The following RBBP8 variants were observed in gnomAD, a reference collection of about 807,000 sequenced individuals.
RBBP8 encodes RB binding protein 8, endonuclease.
In RBBP8, 88 loss-of-function variants were observed where a neutral mutation model predicts 108.3. The ratio of observed to expected loss-of-function variants is 0.81; its 90% CI spans 0.68 to 0.97. RBBP8 has a LOEUF of 0.97. Ranked by LOEUF, RBBP8 falls within the 50% of genes least tolerant of loss-of-function variation. The pLI is 0.00. For synonymous variants in RBBP8, 332 were observed against 348.2 expected (o/e 0.95, Z 0.52); for missense variants, 1,023 against 1,049.0 (o/e 0.98, Z 0.34).
rs1191674121 is a variant in RBBP8 at position 23,022,062 on chromosome 18, TAATC to T, written c.2455-63_2455-60del. On this transcript the variant is annotated intron_variant, in intron 17 of 18. Transcript: ENST00000327155. ...AATGGCTTTTTTAGCTTCTAGTTTG[TAATC>T]AATAAGCATAACACTCCATTTATTA... The T allele has an allele frequency of 6.1e-6, 8 of 1,318,520 alleles. No homozygotes were observed. The African/African-American group carries it at 1.2e-4, about 19-fold the overall frequency. The allele number at this position is 1,318,520 out of a possible 1,614,324, so 81.7% of individuals were successfully genotyped here.
chr18:22,946,517 AT>A (rs767631457), intron 3 of RBBP8, 31 bp downstream of exon 3: 1 of 1,610,540 alleles, frequency 6.2e-7, no homozygotes, highest in Non-Finnish European at 8.5e-7. Flanking sequence ...CTCATGTGTT[AT>A]TTATAGAGTA....
intron 3 of RBBP8, among the ~76,000 whole-genome samples, chr18:22,924,534 G>A (rs1381732359): frequency 6.6e-6 from 1 of 151,866 alleles, no homozygotes; most frequent in African/African-American, 2.4e-5. Flanking sequence ...AGATCTTCCC[G>A]CTTCAGCCTC....
chr18:23,012,208 C>CAAAAAAA (rs56096515), intron 16 of RBBP8, among the ~76,000 whole-genome samples: 5 of 109,620 alleles, frequency 4.6e-5, no homozygotes, highest in African/African-American at 1.5e-4. Flanking sequence ...ATGCTGTCTC[C>CAAAAAAA]AAAAAAAAAA....
intron 16 of RBBP8, among the ~76,000 whole-genome samples, chr18:23,011,246 C>G (rs1004356021): frequency 6.6e-6 from 1 of 152,170 alleles, no homozygotes; most frequent in Non-Finnish European, 1.5e-5. Flanking sequence ...CTTTATTGCA[C>G]TTTGCAGATA....
At chr18:22,956,958 G>T (rs1319920572) in intron 4 of RBBP8, among the ~76,000 whole-genome samples, 2 of 151,846 alleles carry the variant, frequency 1.3e-5, no homozygotes, top group African/African-American at 4.8e-5. Flanking sequence ...CATTTTTTTT[G>T]AAAATCTGAA....
chr18:22,921,305 A>G (rs1436921872), intron 3 of RBBP8, among the ~76,000 whole-genome samples: 1 of 152,158 alleles, frequency 6.6e-6, no homozygotes, highest in Non-Finnish European at 1.5e-5. Context: ...CCATCAAACT[A>G]CCCCAGAATA....
chr18:23,022,637 T>TAAAATAAAATAAAATA lies in RBBP8; in HGVS notation c.2596+370_2596+371insATAAAATAAAATAAAA, dbSNP rs376205689. 3.8e-5 allele frequency among the ~76,000 whole-genome samples: 3 copies of TAAAATAAAATAAAATA among 78,074 alleles called. 1 individual carries two copies. Among genetic ancestry groups the TAAAATAAAATAAAATA allele is most frequent in the East Asian group, 6.1e-4 (2 of 3,268 alleles). The allele number at this position is 78,074 out of a possible 152,430, so 51.2% of individuals were successfully genotyped here. A position where few individuals can be genotyped will look rare whatever the true frequency, so the allele number is the denominator to read the frequency against. ...TAAAATAAAATAAAATAAAATAAAA[T>TAAAATAAAATAAAATA]AAATAAAATACAATATAAAATAAAA... On this transcript the variant is annotated intron_variant, in intron 18 of 18. Transcript: ENST00000327155.
chr18:22,933,678 C>T (rs1910212795), intron 1 of RBBP8, 114 bp downstream of exon 1: 1 of 153,160 alleles, frequency 6.5e-6, no homozygotes, highest in Non-Finnish European at 1.5e-5. Flanking sequence ...GCTCCCGGCT[C>T]TGGGGTTGTG....
In RBBP8 at chr18:22,966,312, A is replaced by T. The variant is rs114519207; in HGVS notation, c.249-2494A>T. ...CCTGTCTTCAGACTGCATTCCACTT[A>T]AATCATGATGCCTAGCTGTTTGTTC... On this transcript the variant is annotated intron_variant, in intron 4 of 18. Transcript: ENST00000327155. Among the ~76,000 whole-genome samples the T allele has an allele frequency of 2.6e-3, 397 of 152,312 alleles. 2 individuals carry two copies. The highest frequency in any genetic ancestry group is 9.0e-3 in the African/African-American group (374 of 41,558).
At position 22,948,780 on chromosome 18, in the gene RBBP8, A is replaced by G. The variant is rs941698882; in HGVS notation, c.153-838A>G. Among the ~76,000 whole-genome samples, 4 of 152,314 alleles carry G rather than the reference A, an allele frequency of 2.6e-5. No homozygotes were observed. The South Asian group carries it at 6.2e-4, about 24-fold the overall frequency. ...GAAGGTGTTTGAATCATAGTATTACATTTTCAGCTTCAAGACTATACAGAA... is the reference window on the plus strand; with the variant it reads ...GAAGGTGTTTGAATCATAGTATTACGTTTTCAGCTTCAAGACTATACAGAA... On this transcript the variant is annotated intron_variant, in intron 3 of 18. Transcript: ENST00000327155.
chr18:22,999,368 A>C (rs116818450), intron 14 of RBBP8, among the ~76,000 whole-genome samples: 202 of 152,246 alleles, frequency 1.3e-3, no homozygotes, highest in African/African-American at 4.7e-3. Context: ...GCAGCTGGAG[A>C]GTGAATTGGC....
chr18:22,955,770 C>T (rs1012260378), intron 4 of RBBP8, among the ~76,000 whole-genome samples: 2 of 151,876 alleles, frequency 1.3e-5, no homozygotes, highest in Non-Finnish European at 1.5e-5. Flanking sequence ...TTAGTAGAGA[C>T]GGGTTTTCAC....
At chr18:22,929,523 G>GAT (rs1909934821), upstream of RBBP8, 1 of 118,590 alleles carries the variant, frequency 8.4e-6, no homozygotes, top group Non-Finnish European at 1.7e-5. Flanking sequence ...GAGACAGGCG[G>GAT]GTGTGTGTGT....
At chr18:22,926,355 G>A (rs552934509) in intron 3 of RBBP8, among the ~76,000 whole-genome samples, 41 of 152,226 alleles carry the variant, frequency 2.7e-4, no homozygotes, top group South Asian at 8.3e-4. Flanking sequence ...CCTGGGAGGC[G>A]GAGGTTGCAG....
chr18:22,998,195 T>A (rs1170171845), intron 14 of RBBP8, among the ~76,000 whole-genome samples: 2 of 152,166 alleles, frequency 1.3e-5, no homozygotes, highest in Non-Finnish European at 2.9e-5. Context: ...TAACAGTAAG[T>A]CTTGAGTCCT....
intron 1 of RBBP8, 101 bp from the exon 2 acceptor site, chr18:22,936,653 G>A (rs1377479849): frequency 6.8e-6 from 4 of 591,598 alleles, no homozygotes; most frequent in Non-Finnish European, 1.2e-5. Context: ...AGGTAAATAA[G>A]GAAATGGTAA....
intron 4 of RBBP8, among the ~76,000 whole-genome samples, chr18:22,960,065 TA>T (rs989630349): frequency 6.6e-6 from 1 of 151,938 alleles, no homozygotes; most frequent in African/African-American, 2.4e-5. Context: ...CTAACTTTTT[TA>T]TATTTTTTCG....
At chr18:22,936,186 C>G (rs931612658) in intron 1 of RBBP8, among the ~76,000 whole-genome samples, 3 of 152,090 alleles carry the variant, frequency 2.0e-5, no homozygotes, top group African/African-American at 4.8e-5. Flanking sequence ...ACTGCAAATT[C>G]CGCCTCCCAG....
chr18:23,000,102 C>T (rs753843146), intron 14 of RBBP8, among the ~76,000 whole-genome samples: 3 of 152,146 alleles, frequency 2.0e-5, no homozygotes, highest in Non-Finnish European at 4.4e-5. Flanking sequence ...ATGGAACGTA[C>T]ATTCTAATGA....
Sources: gnomAD v4.1 joint callset for allele counts (sites outside exome capture counted in the v4.1 genomes callset) on GRCh38, gnomAD v4.1.1 for gene constraint, MANE v1.5 for transcripts, NCBI Gene and HGNC (gene_info 2026-07-23, HGNC 2026-07-21) for gene names.